Variants in PRKCE observed in about 807,000 individuals in gnomAD.
PRKCE encodes protein kinase C epsilon.
A neutral mutation model predicts 85.4 loss-of-function variants in PRKCE; 16 were observed. That is an observed-to-expected ratio of 0.19 (90% CI 0.13 to 0.28). The LOEUF (loss-of-function observed/expected upper bound fraction) is 0.28. PRKCE is among the 10% of genes least tolerant of loss of function. The pLI, the probability that PRKCE is intolerant of heterozygous loss-of-function variation, is 1.00. For missense variants in PRKCE, 573 were observed against 975.2 expected, an observed-to-expected ratio of 0.59 and a Z score of 5.49; for synonymous variants, 388 against 371.5, an observed-to-expected ratio of 1.04 and a Z score of -0.51.
At chr2:46,022,855 G>C (rs557807578) in intron 10 of PRKCE, among the ~76,000 whole-genome samples, 1 of 151,554 alleles carries the variant, frequency 6.6e-6, no homozygotes, top group Non-Finnish European at 1.5e-5. Flanking sequence ...AGGCCGAGGC[G>C]GGTGGATCAT....
intron 1 of PRKCE, among the ~76,000 whole-genome samples, chr2:45,778,722 T>C (rs1190176272): frequency 6.6e-6 from 1 of 152,200 alleles, no homozygotes; most frequent in Non-Finnish European, 1.5e-5. Flanking sequence ...TTTCAGAGGA[T>C]GTATGTTCCC....
At chr2:46,006,928 G>A (rs1705253262) in intron 8 of PRKCE, among the ~76,000 whole-genome samples, 2 of 152,144 alleles carry the variant, frequency 1.3e-5, no homozygotes, top group Admixed American at 1.3e-4. Context: ...GAAGAAACCC[G>A]GCAACAAGGC....
intron 1 of PRKCE, among the ~76,000 whole-genome samples, chr2:45,839,135 A>T (rs4528812): frequency 0.72 from 108,869 of 150,844 alleles, 39,243 homozygotes; most frequent in Admixed American, 0.79. Flanking sequence ...TAAAAAAAAA[A>T]TTTTTTTTTT....
intron 2 of PRKCE, among the ~76,000 whole-genome samples, chr2:45,935,727 G>C (rs2104118763): frequency 6.6e-6 from 1 of 151,280 alleles, no homozygotes; most frequent in South Asian, 2.1e-4. Flanking sequence ...AGAGGTTGCA[G>C]TGAGCCAAGA....
At chr2:45,757,438 A>G (rs992713670) in intron 1 of PRKCE, among the ~76,000 whole-genome samples, 7 of 152,022 alleles carry the variant, frequency 4.6e-5, no homozygotes, top group Admixed American at 1.3e-4. Context: ...AGGCCAAGGC[A>G]GGAGAATTGC....
intron 1 of PRKCE, among the ~76,000 whole-genome samples, chr2:45,668,478 G>A (rs182150598): frequency 3.4e-4 from 51 of 152,216 alleles, no homozygotes; most frequent in Non-Finnish European, 5.0e-4. Context: ...CAGTTACTTG[G>A]GGCTAGGGGT....
chr2:46,174,669 A>G (rs1297530600), intron 14 of PRKCE, among the ~76,000 whole-genome samples: 1 of 152,064 alleles, frequency 6.6e-6, no homozygotes, highest in East Asian at 1.9e-4. Context: ...CCCACTCATT[A>G]GAGAGAAAAG....
chr2:45,674,902 G>A (rs1340894602), intron 1 of PRKCE: 1 of 152,208 alleles, frequency 6.6e-6, no homozygotes, highest in Non-Finnish European at 1.5e-5. Context: ...CAGTTGAACT[G>A]TTTGTCTGGG....
chr2:45,653,367 G>GTTTTTTTTTTTT (rs71394848), intron 1 of PRKCE, among the ~76,000 whole-genome samples: 1 of 48,446 alleles, frequency 2.1e-5, no homozygotes, highest in Admixed American at 2.3e-4. Context: ...TTGTTTTTGG[G>GTTTTTTTTTTTT]TTGTTTTTTT....
chr2:45,977,702 C>T (rs1702569880), intron 3 of PRKCE, among the ~76,000 whole-genome samples: 1 of 151,988 alleles, frequency 6.6e-6, no homozygotes, highest in Non-Finnish European at 1.5e-5. Flanking sequence ...AGGCCAGCCC[C>T]ATTCCACTAA....
Position 45,652,507 on chromosome 2 carries a change from C to A in PRKCE, c.348+59C>A. 6.9e-7 allele frequency: 1 copy of A among 1,450,738 alleles called. No individual in the cohort carries two copies. 89.9% of individuals were successfully genotyped at this position (1,450,738 alleles called of 1,614,324 possible). A position where few individuals can be genotyped will look rare whatever the true frequency, so the allele number is the denominator to read the frequency against. ...CCGGTTGTGGGGTCCCGGGGAAAGA[C>A]TCGCTGGTCTTGATCGTAGGGCTCC... is the stretch of plus-strand genomic sequence containing the variant. On this transcript the variant is annotated intron_variant, in intron 1 of 14. Coordinates refer to ENST00000306156, the MANE Select transcript of PRKCE (RefSeq NM_005400.3). The surrounding 1 kb of genome is among the most constrained non-coding windows in gnomAD (Gnocchi z 7.7).
chr2:45,720,265 T>G (rs2104452697), intron 1 of PRKCE, among the ~76,000 whole-genome samples: 1 of 151,692 alleles, frequency 6.6e-6, no homozygotes, highest in South Asian at 2.1e-4. Context: ...GTGGAGGAGT[T>G]GAGATAAAGT....
At chr2:45,785,132 A>G (rs1367862109) in intron 1 of PRKCE, among the ~76,000 whole-genome samples, 2 of 152,192 alleles carry the variant, frequency 1.3e-5, no homozygotes, top group Non-Finnish European at 2.9e-5. Flanking sequence ...AAAAAATACT[A>G]TGGCCAGTGA....
At chr2:45,741,347 C>T (rs575709490) in intron 1 of PRKCE, among the ~76,000 whole-genome samples, 3 of 152,282 alleles carry the variant, frequency 2.0e-5, no homozygotes, top group African/African-American at 7.2e-5. Context: ...TCCAGCACAC[C>T]CAGATCTGAC....
At chr2:45,866,349 C>G (rs35279424) in intron 2 of PRKCE, among the ~76,000 whole-genome samples, 4,944 of 151,852 alleles carry the variant, frequency 0.033, 111 homozygotes, top group Middle Eastern at 0.068. Flanking sequence ...GCTCTGTTAC[C>G]GAGGCTGGAA....
intron 10 of PRKCE, among the ~76,000 whole-genome samples, chr2:46,069,086 G>T (rs541234002): frequency 6.6e-6 from 1 of 152,354 alleles, no homozygotes; most frequent in African/African-American, 2.4e-5. Context: ...TAGAACTGGG[G>T]CTTGGTTCCA....
rs1702645745 is a variant in PRKCE at position 45,978,646 on chromosome 2, C to T, written c.573-330C>T. On this transcript the variant is annotated intron_variant, in intron 3 of 14. Coordinates refer to ENST00000306156, the MANE Select transcript of PRKCE (RefSeq NM_005400.3). Reference sequence around the variant, plus strand: ...CATTCTATCCACAAGGAAAGGTATGCTTCACTGCTCAATGCCTACCAGGAG... The same window carrying T: ...CATTCTATCCACAAGGAAAGGTATGTTTCACTGCTCAATGCCTACCAGGAG... The T allele has an allele frequency of 1.5e-5, 4 of 264,156 alleles. No homozygotes were observed. The South Asian group carries it at 2.0e-4, about 13-fold the overall frequency. The allele number at this position is 264,156 out of a possible 1,614,324, so 16.4% of individuals were successfully genotyped here. A position where few individuals can be genotyped will look rare whatever the true frequency, so the allele number is the denominator to read the frequency against.
intron 2 of PRKCE, among the ~76,000 whole-genome samples, chr2:45,853,456 T>C (rs577173574): frequency 5.3e-5 from 8 of 152,354 alleles, no homozygotes; most frequent in African/African-American, 1.9e-4. Flanking sequence ...GTGCCTGAAT[T>C]TGATCCCACT....
chr2:45,863,008 C>A (rs922194807), intron 2 of PRKCE, among the ~76,000 whole-genome samples: 1 of 152,180 alleles, frequency 6.6e-6, no homozygotes, highest in African/African-American at 2.4e-5. Flanking sequence ...TTGCTGTGGC[C>A]CCACTGCTGG....
Sources: gnomAD v4.1 joint callset for allele counts (sites outside exome capture counted in the v4.1 genomes callset) on GRCh38, gnomAD v4.1.1 for gene constraint, Gnocchi (gnomAD v3.1) non-coding constraint, MANE v1.5 for transcripts, NCBI Gene and HGNC (gene_info 2026-07-23, HGNC 2026-07-21) for gene names.